ABCA1: variants seen among roughly 807,000 people sequenced by gnomAD.
The protein encoded by ABCA1 is ATP binding cassette subfamily A member 1.
A neutral mutation model predicts 262.5 loss-of-function variants in ABCA1; 133 were observed. That is an observed-to-expected ratio of 0.51 (90% CI 0.44 to 0.59). The LOEUF (loss-of-function observed/expected upper bound fraction) is 0.59, where lower values mean the gene tolerates loss of function less well. Ranked by LOEUF, ABCA1 falls within the 20% of genes least tolerant of loss-of-function variation. ABCA1 has a pLI of 0.00. For missense variants in ABCA1, 2,452 were observed against 2,777.5 expected, an observed-to-expected ratio of 0.88 and a Z score of 2.63; for synonymous variants, 1,022 against 1,043.5, an observed-to-expected ratio of 0.98 and a Z score of 0.40.
At chr9:104,880,248 G>C (rs544304448) in intron 5 of ABCA1, among the ~76,000 whole-genome samples, 19 of 152,316 alleles carry the variant, frequency 1.2e-4, no homozygotes, top group Middle Eastern at 6.8e-3. Flanking sequence ...TGGGGTGTCA[G>C]TGCAGATAAA....
At chr9:104,857,765 T>C (rs1476261810) in intron 7 of ABCA1, among the ~76,000 whole-genome samples, 5 of 152,226 alleles carry the variant, frequency 3.3e-5, no homozygotes, top group African/African-American at 1.2e-4. Flanking sequence ...TCCAGGAATC[T>C]TTCCCTGGTT....
chr9:104,845,528 C>A lies in ABCA1; in HGVS notation c.762G>T (p.Leu254=), dbSNP rs1463489548. Residue 254 remains leucine (L), a synonymous_variant, in exon 8 of 50, where the codon CTG becomes CTT. Transcript: ENST00000374736. ...GCAGCAATGTTTTTGTGGCTTCAGC[C>A]AGCTCCTTGCTCGGGAAGGGAGATG... ...NSTSPFPSKE[L]AEATKTLLHS... The A allele has an allele frequency of 8.1e-6, 13 of 1,613,952 alleles. No homozygotes were observed. Among genetic ancestry groups the A allele is most frequent in the Admixed American group, 1.7e-5 (1 of 59,992 alleles).
intron 28 of ABCA1, among the ~76,000 whole-genome samples, chr9:104,812,133 T>C (rs541897509): frequency 2.0e-5 from 3 of 152,216 alleles, no homozygotes; most frequent in Non-Finnish European, 4.4e-5. Flanking sequence ...AGAAAAATCA[T>C]GTTTCTAATA....
intron 30 of ABCA1, among the ~76,000 whole-genome samples, chr9:104,806,806 C>T (rs1004294941): frequency 6.6e-6 from 1 of 152,126 alleles, no homozygotes; most frequent in African/African-American, 2.4e-5. Flanking sequence ...AAATACCTGC[C>T]TTCATGGAGG....
At chr9:104,899,900 C>T (rs1840526785) in intron 2 of ABCA1, among the ~76,000 whole-genome samples, 1 of 152,126 alleles carries the variant, frequency 6.6e-6, no homozygotes, top group Non-Finnish European at 1.5e-5. Flanking sequence ...CCTTCCTGTC[C>T]CCAGCCCTGT....
Position 104,830,953 on chromosome 9 carries a change from T to C in ABCA1, c.1864A>G (p.Met622Val). 6.2e-7 allele frequency: 1 copy of C among 1,613,854 alleles called. No individual in the cohort carries two copies. The highest frequency in any genetic ancestry group is 8.5e-7 in the Non-Finnish European group (1 of 1,179,954). Residue 622 changes from methionine to valine, a missense_variant, in exon 14 of 50, where the codon ATG (methionine) becomes GTG (valine). By Grantham distance (21) the Met-to-Val change is conservative. Around this residue, in one of 4 missense-constraint regions of ABCA1, gnomAD observed 1,032 missense variants for 1,089.7 expected, o/e 0.95. Coordinates refer to ENST00000374736, the MANE Select transcript of ABCA1 (RefSeq NM_005502.4). ...EKKTGVYMQQ[M>V]PYPCYVDDIF... Reference sequence around the variant, plus strand: ...TCATCAACGTAACAGGGATAGGGCATCTGTTGCATATAGACACCAGTTTTC... The same window carrying C: ...TCATCAACGTAACAGGGATAGGGCACCTGTTGCATATAGACACCAGTTTTC...
At chr9:104,898,661 A>G (rs1041732539) in intron 2 of ABCA1, among the ~76,000 whole-genome samples, 9 of 152,068 alleles carry the variant, frequency 5.9e-5, no homozygotes, top group African/African-American at 1.9e-4. Flanking sequence ...GTCTACTACC[A>G]ACTCATCCCC....
intron 5 of ABCA1, among the ~76,000 whole-genome samples, chr9:104,880,836 C>T (rs1200660777): frequency 6.6e-6 from 1 of 152,048 alleles, no homozygotes; most frequent in Non-Finnish European, 1.5e-5. Flanking sequence ...GGCTTCTTCA[C>T]CACTTAACTC....
intron 2 of ABCA1, among the ~76,000 whole-genome samples, chr9:104,896,729 T>A (rs1305344621): frequency 7.3e-5 from 9 of 123,776 alleles, no homozygotes; most frequent in African/African-American, 2.2e-4. Context: ...TTTTTTTTTT[T>A]TTTTTTTTTT....
intron 1 of ABCA1, among the ~76,000 whole-genome samples, chr9:104,909,654 A>ACACACACACACACACACACACACACG (rs770801372): frequency 6.8e-6 from 1 of 146,508 alleles, no homozygotes; most frequent in African/African-American, 2.5e-5. Flanking sequence ...ACACACACAC[A>ACACACACACACACACACACACACACG]TTCACAGGAA....
intron 32 of ABCA1, among the ~76,000 whole-genome samples, chr9:104,804,323 A>G (rs1433093811): frequency 6.6e-6 from 1 of 152,242 alleles, no homozygotes; most frequent in Non-Finnish European, 1.5e-5. Context: ...CAATTTAGAT[A>G]AACTAAGGCT....
chr9:104,863,721 C>T lies in ABCA1; in HGVS notation c.422-1921G>A, dbSNP rs562325186. Among the ~76,000 whole-genome samples, 4 of 152,308 alleles carry T rather than the reference C, an allele frequency of 2.6e-5. No individual in the cohort carries two copies. The South Asian group carries it at 8.3e-4, about 32-fold the overall frequency. On this transcript the variant is annotated intron_variant, in intron 5 of 49. Transcript: ENST00000374736. ...CACTGCTACCCCTCTATGGCTAGCT[C>T]CTAGTTATTCCTCATGACAGCCAGT...
intron 8 of ABCA1, among the ~76,000 whole-genome samples, chr9:104,844,169 G>A (rs1187209890): frequency 6.6e-6 from 1 of 152,062 alleles, no homozygotes; most frequent in African/African-American, 2.4e-5. Flanking sequence ...GGGCTGCGAG[G>A]GGATCTGCAG....
At chr9:104,870,198 T>C (rs1251050347) in intron 5 of ABCA1, among the ~76,000 whole-genome samples, 1 of 152,222 alleles carries the variant, frequency 6.6e-6, no homozygotes, top group Non-Finnish European at 1.5e-5. Context: ...ACAAATAATA[T>C]AAACTTGTAT....
intron 1 of ABCA1, among the ~76,000 whole-genome samples, chr9:104,907,252 G>A (rs1240508357): frequency 6.6e-6 from 1 of 152,142 alleles, no homozygotes; most frequent in Non-Finnish European, 1.5e-5. Context: ...CTGCTAGCCT[G>A]GCTAATGCCT....
In ABCA1 at chr9:104,793,292, G is replaced by T. The variant is rs755307445; in HGVS notation, c.5515C>A (p.Arg1839Ser). The change falls in exon 41 of 50, where the codon CGC becomes AGC. Residue 1839 changes from arginine (R) to serine (S), a missense_variant. Physicochemically the swap from Arg to Ser is moderately radical, Grantham distance 110. Transcript: ENST00000374736. The part of the protein sequence containing the change: ...ADALERFGEN[R>S]FVSPLSWDLV... ...TCCCAAGATAATGGTGACACAAAGC[G>T]ATTCTCCCCTAGTAGACACAATGCA... The T allele has an allele frequency of 1.2e-6, 2 of 1,614,078 alleles. No homozygotes were observed. Among genetic ancestry groups the T allele is most frequent in the Non-Finnish European group, 1.7e-6 (2 of 1,180,010 alleles).
At chr9:104,795,808 C>T (rs1390093555) in intron 39 of ABCA1, among the ~76,000 whole-genome samples, 1 of 151,990 alleles carries the variant, frequency 6.6e-6, no homozygotes, top group Non-Finnish European at 1.5e-5. Context: ...GTAAGAGCAA[C>T]ATTGAAAAAA....
Position 104,845,457 on chromosome 9 carries a change from A to C in ABCA1, c.813+20T>G. On this transcript the variant is annotated intron_variant, in intron 8 of 49. Transcript: ENST00000374736. ...TACAGTGGATGATCCGCTTCCTGGT[A>C]CTGGAAAGACACAACTTACCTCCTG... 3 of 1,577,024 alleles carry C rather than the reference A, an allele frequency of 1.9e-6. No homozygotes were observed. The highest frequency in any genetic ancestry group is 2.2e-5 in the South Asian group (2 of 90,108).
chr9:104,798,072 C>CTG (rs927109717), intron 37 of ABCA1, among the ~76,000 whole-genome samples: 1 of 152,194 alleles, frequency 6.6e-6, no homozygotes, highest in African/African-American at 2.4e-5. Flanking sequence ...AAAGAACATT[C>CTG]TGACTCTGGA....
Sources: gnomAD v4.1 joint callset for allele counts (sites outside exome capture counted in the v4.1 genomes callset) on GRCh38, gnomAD v4.1.1 for gene constraint, gnomAD v4.1.1 regional missense constraint, MANE v1.5 for transcripts, NCBI Gene and HGNC (gene_info 2026-07-23, HGNC 2026-07-21) for gene names.